Variants in TCF12 observed in about 807,000 individuals in gnomAD.
TCF12 encodes the protein DNA-binding protein HTF4.
TCF12 carries 45 observed loss-of-function variants against 86.0 expected under a neutral mutation model. That is an observed-to-expected ratio of 0.52 (90% CI 0.41 to 0.67). The LOEUF is 0.67. Ranked by LOEUF, TCF12 falls within the 30% of genes least tolerant of loss-of-function variation. The pLI is 0.00. For synonymous variants in TCF12, 330 were observed against 299.6 expected (o/e 1.10, Z -1.05); for missense variants, 881 against 859.9 (o/e 1.02, Z -0.31).
chr15:57,085,602 A>G (rs569867574), intron 4 of TCF12, among the ~76,000 whole-genome samples: 14 of 152,240 alleles, frequency 9.2e-5, no homozygotes, highest in Non-Finnish European at 1.9e-4. Context: ...AGACAGTGAC[A>G]TTCAAGGATT....
rs2057019404 is a variant in TCF12 at position 57,192,249 on chromosome 15, C to A, written c.482C>A (p.Ala161Asp). 6.2e-7 allele frequency: 1 copy of A among 1,614,054 alleles called. No individual in the cohort carries two copies. Reference protein sequence around the residue: ...KPGTAYYSFSATSSRRRPLHD... With the variant: ...KPGTAYYSFSDTSSRRRPLHD... ...GGGACAGCATACTATTCATTCTCTG[C>A]TACAAGTTCCAGGAGGAGACCACTC... Residue 161 changes from alanine (A) to aspartate (D), a missense_variant, in exon 7 of 21, where the codon GCT becomes GAT. Physicochemically the swap from Ala to Asp is moderately radical, Grantham distance 126. Coordinates refer to ENST00000333725, the MANE Select transcript of TCF12 (RefSeq NM_207037.2).
intron 6 of TCF12, among the ~76,000 whole-genome samples, chr15:57,191,664 G>T (rs956456712): frequency 1.3e-5 from 2 of 152,264 alleles, no homozygotes; most frequent in South Asian, 4.1e-4. Flanking sequence ...GTGGCTGGGC[G>T]CAGTGGCTTA....
chr15:57,090,232 A>G (rs934450801), intron 4 of TCF12, among the ~76,000 whole-genome samples: 4 of 152,062 alleles, frequency 2.6e-5, no homozygotes, highest in African/African-American at 9.7e-5. Context: ...CAAAAACAAA[A>G]ACAAAAACAA....
At chr15:57,022,229 C>T (rs539515286) in intron 3 of TCF12, among the ~76,000 whole-genome samples, 1 of 152,034 alleles carries the variant, frequency 6.6e-6, no homozygotes, top group African/African-American at 2.4e-5. Context: ...CTCCCCACCC[C>T]CCGATAGGTC....
intron 4 of TCF12, among the ~76,000 whole-genome samples, chr15:57,073,897 C>A (rs187626372): frequency 6.6e-6 from 1 of 152,020 alleles, no homozygotes; most frequent in Admixed American, 6.6e-5. Flanking sequence ...TACAGGCGCC[C>A]ACCACCACTC....
chr15:56,966,150 T>G (rs555932349), intron 3 of TCF12, among the ~76,000 whole-genome samples: 6 of 152,232 alleles, frequency 3.9e-5, no homozygotes, highest in Admixed American at 2.0e-4. Context: ...TTTTGTTTCC[T>G]TATTAACTAT....
intron 3 of TCF12, among the ~76,000 whole-genome samples, chr15:56,985,162 C>T (rs1415637339): frequency 6.6e-6 from 1 of 152,164 alleles, no homozygotes; most frequent in Non-Finnish European, 1.5e-5. Context: ...CCTTCCAGTG[C>T]TTCTACAATG....
chr15:57,253,535 A>G, intron 16 of TCF12, 67 bp downstream of exon 16: 6 of 1,554,516 alleles, frequency 3.9e-6, no homozygotes, highest in Non-Finnish European at 4.4e-6. Flanking sequence ...CTTTAATGAA[A>G]TCTTTGGGAA....
intron 16 of TCF12, among the ~76,000 whole-genome samples, chr15:57,260,283 T>A (rs2060529759): frequency 6.6e-6 from 1 of 152,186 alleles, no homozygotes; most frequent in Admixed American, 6.5e-5. Flanking sequence ...TTTTTAATAG[T>A]TGAGCTTTAA....
At chr15:57,068,894 T>G (rs2069132639) in intron 4 of TCF12, among the ~76,000 whole-genome samples, 1 of 152,224 alleles carries the variant, frequency 6.6e-6, no homozygotes, top group South Asian at 2.1e-4. Flanking sequence ...ATAATAGGTA[T>G]GAAGTATTTC....
At chr15:57,101,664 T>C (rs1369274464) in intron 5 of TCF12, among the ~76,000 whole-genome samples, 2 of 152,240 alleles carry the variant, frequency 1.3e-5, no homozygotes, top group African/African-American at 4.8e-5. Context: ...TAAATCTTTA[T>C]CTTGAAAAAT....
At chr15:57,177,710 C>CTTATTTAT (rs375477447) in intron 6 of TCF12, among the ~76,000 whole-genome samples, 3 of 142,988 alleles carry the variant, frequency 2.1e-5, no homozygotes, top group South Asian at 2.3e-4. Flanking sequence ...ATTTTATTTA[C>CTTATTTAT]TTATTTATTT....
intron 4 of TCF12, among the ~76,000 whole-genome samples, chr15:57,084,940 A>G (rs2048530972): frequency 6.6e-6 from 1 of 152,166 alleles, no homozygotes; most frequent in African/African-American, 2.4e-5. Flanking sequence ...GTCACACTAT[A>G]TAGTACAGTT....
intron 3 of TCF12, among the ~76,000 whole-genome samples, chr15:57,010,500 A>G (rs531267944): frequency 5.3e-5 from 8 of 152,334 alleles, no homozygotes; most frequent in African/African-American, 1.9e-4. Flanking sequence ...AAAAAAGGGA[A>G]AAGGAAAGAC....
Position 57,234,115 on chromosome 15 carries a change from T to A in TCF12, c.1035+8T>A. 1 of 1,611,036 alleles carries A rather than the reference T, an allele frequency of 6.2e-7. No homozygotes were observed. Among genetic ancestry groups the A allele is most frequent in the South Asian group, 1.1e-5 (1 of 91,038 alleles). On this transcript the variant is annotated splice_region_variant and intron_variant, in intron 12 of 20. Transcript: ENST00000333725. ...GGAAAGGCTTTGGCATCTGTGAGTA[T>A]TGATTTTACACATTCTACTGAATGA...
chr15:57,064,024 T>A (rs905828609), intron 4 of TCF12, among the ~76,000 whole-genome samples: 2 of 152,252 alleles, frequency 1.3e-5, no homozygotes, highest in Non-Finnish European at 2.9e-5. Context: ...CAGTTAAATA[T>A]TCTTGGTGTT....
intron 6 of TCF12, among the ~76,000 whole-genome samples, chr15:57,190,025 T>A (rs2056899434): frequency 6.6e-6 from 1 of 152,158 alleles, no homozygotes; most frequent in South Asian, 2.1e-4. Flanking sequence ...ATATCCTGAA[T>A]AGGCAAATCC....
intron 6 of TCF12, among the ~76,000 whole-genome samples, chr15:57,182,068 G>A (rs1434463250): frequency 6.6e-6 from 1 of 152,026 alleles, no homozygotes; most frequent in Non-Finnish European, 1.5e-5. Flanking sequence ...AAGATAGCTC[G>A]GCACAATAAA....
At chr15:56,956,942 A>C (rs1316295314) in intron 3 of TCF12, among the ~76,000 whole-genome samples, 2 of 152,120 alleles carry the variant, frequency 1.3e-5, no homozygotes, top group Non-Finnish European at 2.9e-5. Context: ...ATTCATGTTG[A>C]AATTTTATTA....
Sources: gnomAD v4.1 joint callset for allele counts (sites outside exome capture counted in the v4.1 genomes callset) on GRCh38, gnomAD v4.1.1 for gene constraint, MANE v1.5 for transcripts, NCBI Gene and HGNC (gene_info 2026-07-23, HGNC 2026-07-21) for gene names.